The following CORO2A variants were observed in gnomAD, a reference collection of about 807,000 sequenced individuals.
CORO2A encodes the protein coronin 2A, also known as coronin-2A.
A neutral mutation model predicts 62.4 loss-of-function variants in CORO2A; 47 were observed. That is an observed-to-expected ratio of 0.75 (90% CI 0.60 to 0.96). The LOEUF (loss-of-function observed/expected upper bound fraction) is 0.96, where lower values mean the gene tolerates loss of function less well. CORO2A is among the 40% of genes least tolerant of loss of function. CORO2A has a pLI of 0.00. For missense variants in CORO2A, 610 were observed against 684.1 expected, an observed-to-expected ratio of 0.89 and a Z score of 1.21; for synonymous variants, 273 against 268.9, an observed-to-expected ratio of 1.02 and a Z score of -0.15.
chr9:98,157,840 T>C (rs775396754), intron 1 of CORO2A, among the ~76,000 whole-genome samples, 180 bp from the exon 2 acceptor site: 28 of 152,170 alleles, frequency 1.8e-4, no homozygotes, highest in Non-Finnish European at 3.1e-4. Flanking sequence ...GTTACTTCTG[T>C]AGACCTGGTA....
chr9:98,173,973 G>C (rs893898999), intron 1 of CORO2A, among the ~76,000 whole-genome samples: 1 of 152,024 alleles, frequency 6.6e-6, no homozygotes, highest in Non-Finnish European at 1.5e-5. Flanking sequence ...AAAATTAGCC[G>C]GGCGTGGTGG....
chr9:98,164,870 C>G (rs941957139), intron 1 of CORO2A, among the ~76,000 whole-genome samples: 33 of 152,170 alleles, frequency 2.2e-4, no homozygotes, highest in African/African-American at 7.0e-4. Context: ...TCCAGGGAGG[C>G]AGGACTTACA....
chr9:98,186,896 C>G (rs1265579730), intron 1 of CORO2A, among the ~76,000 whole-genome samples: 1 of 152,164 alleles, frequency 6.6e-6, no homozygotes, highest in Non-Finnish European at 1.5e-5. Flanking sequence ...GCCCAGGTCC[C>G]ACAGCAGCAC....
At chr9:98,169,927 G>A (rs1828010766) in intron 1 of CORO2A, among the ~76,000 whole-genome samples, 1 of 152,068 alleles carries the variant, frequency 6.6e-6, no homozygotes, top group Non-Finnish European at 1.5e-5. Context: ...CCAGCTCTCA[G>A]ACTGAGCAGT....
chr9:98,134,395 C>A (rs1425170915), intron 4 of CORO2A, among the ~76,000 whole-genome samples: 1 of 148,214 alleles, frequency 6.7e-6, no homozygotes, highest in Non-Finnish European at 1.5e-5. Context: ...GAACAGGGTT[C>A]CCCCCAAAAC....
intron 1 of CORO2A, among the ~76,000 whole-genome samples, chr9:98,181,206 T>C (rs1421709383): frequency 6.6e-6 from 1 of 151,208 alleles, no homozygotes; most frequent in Non-Finnish European, 1.5e-5. Flanking sequence ...AGTCAGGCCA[T>C]GAGAAGGGCA....
At chr9:98,168,940 C>G (rs1337290832) in intron 1 of CORO2A, among the ~76,000 whole-genome samples, 1 of 152,210 alleles carries the variant, frequency 6.6e-6, no homozygotes, top group African/African-American at 2.4e-5. Flanking sequence ...ATTTGTGCAT[C>G]TCTCCGGGCT....
chr9:98,144,517 G>A (rs1018205262), intron 2 of CORO2A, among the ~76,000 whole-genome samples: 6 of 152,188 alleles, frequency 3.9e-5, no homozygotes, highest in African/African-American at 1.4e-4. Flanking sequence ...TGCAGGTGAT[G>A]GCAGAGATGC....
chr9:98,155,324 G>A (rs1259746225), intron 2 of CORO2A, among the ~76,000 whole-genome samples: 1 of 150,844 alleles, frequency 6.6e-6, no homozygotes, highest in Admixed American at 6.7e-5. Flanking sequence ...TTTCTTTAAG[G>A]GAAATTTTTA....
intron 1 of CORO2A, among the ~76,000 whole-genome samples, chr9:98,170,637 C>A (rs1450495003): frequency 6.6e-6 from 1 of 152,068 alleles, no homozygotes; most frequent in Non-Finnish European, 1.5e-5. Context: ...AGCAAAGGGG[C>A]TTCACCATGT....
intron 2 of CORO2A, among the ~76,000 whole-genome samples, chr9:98,146,645 T>G (rs932301145): frequency 6.6e-6 from 1 of 152,150 alleles, no homozygotes; most frequent in Non-Finnish European, 1.5e-5. Flanking sequence ...TGGTAACAAG[T>G]AGGAGCTGAT....
chr9:98,160,067 G>A (rs1408088563), intron 1 of CORO2A, among the ~76,000 whole-genome samples: 2 of 152,190 alleles, frequency 1.3e-5, no homozygotes, highest in Non-Finnish European at 2.9e-5. Flanking sequence ...CAGGTAGCAC[G>A]TCAGTCTTGC....
intron 8 of CORO2A, among the ~76,000 whole-genome samples, chr9:98,129,051 G>A (rs1310794636): frequency 6.6e-6 from 1 of 152,076 alleles, no homozygotes; most frequent in African/African-American, 2.4e-5. Flanking sequence ...TCCTGCCTTA[G>A]CGTCCCAAGT....
chr9:98,141,192 T>C (rs1001424754), intron 2 of CORO2A, among the ~76,000 whole-genome samples: 2 of 151,966 alleles, frequency 1.3e-5, no homozygotes, highest in Non-Finnish European at 2.9e-5. Flanking sequence ...GTGAAAATTT[T>C]CTCTCTTTCA....
At chr9:98,164,856 G>A (rs1260344820) in intron 1 of CORO2A, among the ~76,000 whole-genome samples, 1 of 152,194 alleles carries the variant, frequency 6.6e-6, no homozygotes, top group Non-Finnish European at 1.5e-5. Flanking sequence ...GATTGTGGAG[G>A]GGTTCCAGGG....
chr9:98,132,982 C>A, intron 5 of CORO2A, 56 bp downstream of exon 5: 1 of 1,590,736 alleles, frequency 6.3e-7, no homozygotes, highest in South Asian at 1.1e-5. Flanking sequence ...CTCTCTCTGT[C>A]CCCACTCTGC....
At chr9:98,187,544 GAC>G (rs912327445) in intron 1 of CORO2A, among the ~76,000 whole-genome samples, 1 of 151,964 alleles carries the variant, frequency 6.6e-6, no homozygotes, top group Non-Finnish European at 1.5e-5. Flanking sequence ...CCAAGACTAA[GAC>G]AGCAGATTTG....
In CORO2A at chr9:98,129,800, C is replaced by A. The variant is rs1827378885; in HGVS notation, c.961G>T (p.Gly321Trp). Residue 321 changes from glycine to tryptophan, a missense_variant, in exon 8 of 12, where the codon GGG (glycine) becomes TGG (tryptophan). Physicochemically the swap from Gly to Trp is radical, Grantham distance 184. Transcript: ENST00000375077. Reference sequence around the variant, plus strand: ...TTCAGTGTCCCTCACTTACCGATCCCCTTCTGTGGGTTATAGGAGCGGTAC... The same window carrying A: ...TTCAGTGTCCCTCACTTACCGATCCACTTCTGTGGGTTATAGGAGCGGTAC... Reference protein sequence around the residue: ...TEYRSYNPQKGIGVMPKRGLD... With the variant: ...TEYRSYNPQKWIGVMPKRGLD... 1 of 1,612,418 alleles carries A rather than the reference C, an allele frequency of 6.2e-7. No homozygotes were observed. Among genetic ancestry groups the A allele is most frequent in the African/African-American group, 1.3e-5 (1 of 74,886 alleles).
chr9:98,157,523 G>C lies in CORO2A; in HGVS notation c.138C>G (p.His46Gln). The C allele has an allele frequency of 6.2e-7, 1 of 1,614,212 alleles. No homozygotes were observed. Reference sequence around the variant, plus strand: ...CACACTCAGTCACAACTGCAATGAAGTGGGGGTTCACGGCACAGAAGTGGT... The same window carrying C: ...CACACTCAGTCACAACTGCAATGAACTGGGGGTTCACGGCACAGAAGTGGT... ...HDNHFCAVNP[H>Q]FIAVVTECAG... The change falls in exon 2 of 12, where the codon CAC becomes CAG. Residue 46 changes from histidine (H) to glutamine (Q), a missense_variant. His to Gln is a conservative substitution (Grantham distance 24, BLOSUM62 0). Transcript: ENST00000375077.
Sources: allele counts gnomAD v4.1 joint callset (sites outside exome capture counted in the v4.1 genomes callset), GRCh38; gene constraint gnomAD v4.1.1; transcripts MANE v1.5; gene names NCBI Gene and HGNC (gene_info 2026-07-23, HGNC 2026-07-21).